The following OSBPL6 variants were observed in gnomAD, a reference collection of about 807,000 sequenced individuals.
OSBPL6 encodes the protein oxysterol-binding protein-related protein 6.
OSBPL6 carries 49 observed loss-of-function variants against 125.8 expected under a neutral mutation model. The ratio of observed to expected loss-of-function variants is 0.39; its 90% CI spans 0.31 to 0.49. The LOEUF is 0.49. OSBPL6 is among the 20% of genes least tolerant of loss of function. The pLI, the probability that OSBPL6 is intolerant of heterozygous loss-of-function variation, is 0.88. For missense variants in OSBPL6, 986 were observed against 1,135.4 expected (o/e 0.87, Z 1.89); for synonymous variants, 394 against 391.8 (o/e 1.01, Z -0.07).
chr2:178,306,083 T>C lies in OSBPL6; in HGVS notation c.-102T>C. On this transcript the variant is annotated 5_prime_UTR_variant, in exon 3 of 25. It removes an upstream start codon present in the reference 5' UTR. Coordinates refer to ENST00000190611, the MANE Select transcript of OSBPL6 (RefSeq NM_032523.4). ...CTCTTTTCTAGTCAAACCTGATTCA[T>C]GAAATGGAATGAAGCTGAAAAATCA... 1 of 757,216 alleles carries C rather than the reference T, an allele frequency of 1.3e-6. No homozygotes were observed. Among genetic ancestry groups the C allele is most frequent in the Non-Finnish European group, 2.3e-6 (1 of 438,398 alleles). 46.9% of individuals were successfully genotyped at this position (757,216 alleles called of 1,614,324 possible).
At chr2:178,318,294 G>A (rs933998401) in intron 3 of OSBPL6, among the ~76,000 whole-genome samples, 2 of 152,190 alleles carry the variant, frequency 1.3e-5, no homozygotes, top group African/African-American at 2.4e-5. Context: ...GTGCAGGAAG[G>A]GATGGGACTG....
At chr2:178,263,216 C>T (rs1047891327) in intron 1 of OSBPL6, among the ~76,000 whole-genome samples, 4 of 152,194 alleles carry the variant, frequency 2.6e-5, no homozygotes, top group East Asian at 1.9e-4. Flanking sequence ...CAGTGGCTCA[C>T]GCCTGTAATA....
intron 12 of OSBPL6, among the ~76,000 whole-genome samples, chr2:178,352,591 G>A (rs948935962): frequency 6.6e-5 from 10 of 152,146 alleles, no homozygotes; most frequent in African/African-American, 1.9e-4. Context: ...CAGGAAGCTC[G>A]AACTGGGCAG....
In OSBPL6 at chr2:178,339,700, A is replaced by G; in HGVS notation, c.923A>G (p.Asp308Gly). ...AACTGTGTAGATATTTCAAAGAAAG[A>G]CAAGCGGGTCACAAGACGATGGAGA... ...QANCVDISKK[D>G]KRVTRRWRTK... is the part of the protein sequence containing the mutation. Residue 308 changes from aspartate (D) to glycine (G), a missense_variant, in exon 11 of 25, where the codon GAC becomes GGC. By Grantham distance (94) the Asp-to-Gly change is moderately conservative. Transcript: ENST00000190611. 1 of 1,606,822 alleles carries G rather than the reference A, an allele frequency of 6.2e-7. No individual in the cohort carries two copies. Among genetic ancestry groups the G allele is most frequent in the Non-Finnish European group, 8.5e-7 (1 of 1,176,958 alleles).
At position 178,339,780 on chromosome 2, in the gene OSBPL6, T is replaced by G. The variant is rs1456471811; in HGVS notation, c.987+16T>G. On this transcript the variant is annotated intron_variant, in intron 11 of 24. Coordinates refer to ENST00000190611, the MANE Select transcript of OSBPL6 (RefSeq NM_032523.4). Reference sequence around the variant, plus strand: ...ACAACTGCAGGTACAGATTTTACTTTTCCTTCATTCACGTTTCTACATATT... The same window carrying G: ...ACAACTGCAGGTACAGATTTTACTTGTCCTTCATTCACGTTTCTACATATT... 1.3e-6 allele frequency: 2 copies of G among 1,569,774 alleles called. No homozygotes were observed. Among genetic ancestry groups the G allele is most frequent in the African/African-American group, 1.4e-5 (1 of 72,874 alleles).
At chr2:178,287,167 A>AAAC (rs1553542313) in intron 2 of OSBPL6, among the ~76,000 whole-genome samples, 8 of 147,600 alleles carry the variant, frequency 5.4e-5, no homozygotes, top group Non-Finnish European at 9.0e-5. Flanking sequence ...AAAAAAAAAA[A>AAAC]AACAAATTAT....
At chr2:178,298,498 G>T (rs889420131) in intron 2 of OSBPL6, among the ~76,000 whole-genome samples, 1 of 151,978 alleles carries the variant, frequency 6.6e-6, no homozygotes, top group Non-Finnish European at 1.5e-5. Flanking sequence ...AGCTCAGCTC[G>T]CTGCAGCCTT....
At chr2:178,298,713 T>G (rs1685993686) in intron 2 of OSBPL6, among the ~76,000 whole-genome samples, 1 of 151,556 alleles carries the variant, frequency 6.6e-6, no homozygotes, top group Admixed American at 6.6e-5. Flanking sequence ...TTTGTTTTTT[T>G]TTTTTTGCCG....
chr2:178,386,028 G>A (rs1694904521), intron 19 of OSBPL6, among the ~76,000 whole-genome samples: 1 of 152,142 alleles, frequency 6.6e-6, no homozygotes, highest in Non-Finnish European at 1.5e-5. Context: ...TTACAAGCTT[G>A]CCTAATACAA....
At chr2:178,226,988 T>G (rs1187977593) in intron 1 of OSBPL6, among the ~76,000 whole-genome samples, 2 of 152,160 alleles carry the variant, frequency 1.3e-5, no homozygotes, top group Admixed American at 6.5e-5. Context: ...GTTGAATAGC[T>G]GGAGATATAA....
intron 15 of OSBPL6, among the ~76,000 whole-genome samples, chr2:178,375,429 G>A (rs940794440): frequency 3.9e-5 from 6 of 151,906 alleles, no homozygotes; most frequent in African/African-American, 1.5e-4. Context: ...GTTTTTGTTT[G>A]TTTTTGTTTT....
At chr2:178,236,741 C>T (rs766601171) in intron 1 of OSBPL6, among the ~76,000 whole-genome samples, 2 of 152,196 alleles carry the variant, frequency 1.3e-5, no homozygotes, top group Non-Finnish European at 2.9e-5. Context: ...TCTACAGTCA[C>T]TTATAACATT....
chr2:178,215,937 A>G lies in OSBPL6; in HGVS notation c.-351+21263A>G, dbSNP rs189671794. Among the ~76,000 whole-genome samples the G allele has an allele frequency of 4.2e-4, 64 of 152,268 alleles. No individual in the cohort carries two copies. In the East Asian group the frequency reaches 4.4e-3, roughly 11 times the overall value. On this transcript the variant is annotated intron_variant, in intron 1 of 24. Transcript: ENST00000190611. ...TGGTGCGTGACACACACACAATTTCATTTATTGGTTTGGAGGCTGGTGTTA... is the reference window on the plus strand; with the variant it reads ...TGGTGCGTGACACACACACAATTTCGTTTATTGGTTTGGAGGCTGGTGTTA...
intron 1 of OSBPL6, among the ~76,000 whole-genome samples, chr2:178,268,609 T>G (rs762885358): frequency 6.6e-6 from 1 of 152,212 alleles, no homozygotes; most frequent in Non-Finnish European, 1.5e-5. Flanking sequence ...GTCTTTGAAC[T>G]TCATATAAAT....
chr2:178,245,783 A>T (rs1044223654), intron 1 of OSBPL6, among the ~76,000 whole-genome samples: 1 of 152,132 alleles, frequency 6.6e-6, no homozygotes, highest in Non-Finnish European at 1.5e-5. Flanking sequence ...TGAGCTTCAG[A>T]TGACTTATGA....
At chr2:178,335,160 T>C (rs940241477) in intron 8 of OSBPL6, among the ~76,000 whole-genome samples, 25 of 152,158 alleles carry the variant, frequency 1.6e-4, no homozygotes, top group African/African-American at 6.0e-4. Flanking sequence ...TGGCACAGAC[T>C]ATTGATGAAA....
At chr2:178,284,422 G>C (rs543982730) in intron 1 of OSBPL6, among the ~76,000 whole-genome samples, 3 of 152,072 alleles carry the variant, frequency 2.0e-5, no homozygotes, top group Non-Finnish European at 2.9e-5. Context: ...GCATGATGGC[G>C]TGTGCCTGTA....
chr2:178,373,853 G>A, intron 14 of OSBPL6, 37 bp from the exon 15 acceptor site: 1 of 1,609,722 alleles, frequency 6.2e-7, no homozygotes, highest in South Asian at 1.1e-5. Flanking sequence ...CTAACAGGGA[G>A]AAAAGCAATT....
chr2:178,343,140 C>CA (rs997112203), intron 11 of OSBPL6, among the ~76,000 whole-genome samples: 35 of 151,342 alleles, frequency 2.3e-4, no homozygotes, highest in Non-Finnish European at 8.8e-5. Flanking sequence ...TCTGACATCC[C>CA]AAAAAAAACT....
Sources: gnomAD v4.1 joint callset for allele counts (sites outside exome capture counted in the v4.1 genomes callset) on GRCh38, gnomAD v4.1.1 for gene constraint, MANE v1.5 for transcripts, NCBI Gene and HGNC (gene_info 2026-07-23, HGNC 2026-07-21) for gene names.